Variants in RPA2 observed in about 807,000 individuals in gnomAD.
RPA2 encodes the protein replication protein A 32 kDa subunit.
A neutral mutation model predicts 33.4 loss-of-function variants in RPA2; 22 were observed. The observed-to-expected ratio is 0.66, with a 90% confidence interval of 0.47 to 0.94. The LOEUF (loss-of-function observed/expected upper bound fraction) is 0.94, where lower values mean the gene tolerates loss of function less well. Ranked by LOEUF, RPA2 falls within the 40% of genes least tolerant of loss-of-function variation. The pLI, the probability that RPA2 is intolerant of heterozygous loss-of-function variation, is 0.00. For synonymous variants in RPA2, 109 were observed against 114.9 expected (o/e 0.95, Z 0.33); for missense variants, 279 against 329.9 (o/e 0.85, Z 1.19).
intron 6 of RPA2, among the ~76,000 whole-genome samples, chr1:27,896,409 C>A (rs1312427664): frequency 6.6e-6 from 1 of 152,004 alleles, no homozygotes; most frequent in Non-Finnish European, 1.5e-5. Context: ...TCAAGTGATG[C>A]CCCCACACCA....
In RPA2 at chr1:27,914,503, A is replaced by G; in HGVS notation, c.-60T>C. On this transcript the variant is annotated 5_prime_UTR_variant, in exon 1 of 9. Transcript: ENST00000373912. ...GTGCGGGTCTGGGGGAATAGCGGAA[A>G]ACCACAGAACGCGGCCGCCACTGCG... 1 of 1,594,274 alleles carries G rather than the reference A, an allele frequency of 6.3e-7. No individual in the cohort carries two copies. Among genetic ancestry groups the G allele is most frequent in the East Asian group, 2.2e-5 (1 of 44,780 alleles).
chr1:27,906,808 A>G, intron 4 of RPA2, 120 bp downstream of exon 4: 1 of 648,418 alleles, frequency 1.5e-6, no homozygotes, highest in Non-Finnish European at 2.6e-6. Context: ...ACTTTAGAGT[A>G]TCTGTCTTTG....
upstream of RPA2, chr1:27,914,703 C>T: frequency 6.2e-7 from 1 of 1,608,094 alleles, no homozygotes; most frequent in Non-Finnish European, 8.5e-7. Flanking sequence ...GCTCCAAAAG[C>T]CTCCGCGGCC....
At chr1:27,909,526 T>C (rs915868968) in intron 2 of RPA2, among the ~76,000 whole-genome samples, 1 of 151,994 alleles carries the variant, frequency 6.6e-6, no homozygotes, top group South Asian at 2.1e-4. Flanking sequence ...CTGGCCAACA[T>C]GGCGAAACCC....
rs1201286242 is a variant in RPA2 at position 27,914,154 on chromosome 1, T to C, written c.26A>G (p.Tyr9Cys). ...GGCTCCCCCGTATGAGGAGCTGCCA[T>C]AGCTTTCGAATCCACCTGTTTTGAA... MWNSGFESYGSSSYGGAGG... is the reference protein window; with the variant it reads MWNSGFESCGSSSYGGAGG... The change falls in exon 2 of 9, where the codon TAT becomes TGT. Residue 9 changes from tyrosine to cysteine, a missense_variant. Transcript: ENST00000373912. 1.9e-6 allele frequency: 3 copies of C among 1,613,330 alleles called. No individual in the cohort carries two copies. Among genetic ancestry groups the C allele is most frequent in the South Asian group, 1.1e-5 (1 of 91,044 alleles).
intron 4 of RPA2, among the ~76,000 whole-genome samples, chr1:27,902,874 A>G (rs945501835): frequency 6.6e-6 from 1 of 151,928 alleles, no homozygotes; most frequent in Non-Finnish European, 1.5e-5. Flanking sequence ...AAGATGTTAA[A>G]AAAATGTCAA....
chr1:27,898,570 G>T (rs1319346927), intron 4 of RPA2, among the ~76,000 whole-genome samples: 9 of 143,270 alleles, frequency 6.3e-5, no homozygotes, highest in Non-Finnish European at 1.5e-5. Context: ...TTGAGACGAA[G>T]TGTCTTGCTC....
intron 8 of RPA2, among the ~76,000 whole-genome samples, chr1:27,892,575 A>G (rs146531201): frequency 3.3e-5 from 5 of 152,316 alleles, no homozygotes; most frequent in African/African-American, 1.2e-4. Context: ...CTTGCACACA[A>G]AATCTCCTAG....
chr1:27,893,949 A>C, intron 8 of RPA2, 63 bp downstream of exon 8: 1 of 1,392,196 alleles, frequency 7.2e-7, no homozygotes, highest in Non-Finnish European at 1.0e-6. Context: ...ACTATCAGGA[A>C]ACCCTTGTGA....
Position 27,897,654 on chromosome 1 carries a change from T to G in RPA2, c.387A>C (p.Ala129=). The change falls in exon 5 of 9, where the codon GCA becomes GCC. Residue 129 remains alanine (A), a synonymous_variant. Transcript: ENST00000373912. The stretch of plus-strand genomic sequence containing the variant: ...TTACCTGAAAAGATCTCAGGTGGCC[T>G]GCCACTTTCACATATGTTTCTGGAG... ...VVPPETYVKV[A]GHLRSFQNKK... The G allele has an allele frequency of 2.5e-6, 4 of 1,602,802 alleles. No individual in the cohort carries two copies. Among genetic ancestry groups the G allele is most frequent in the Non-Finnish European group, 3.4e-6 (4 of 1,174,764 alleles).
intron 4 of RPA2, among the ~76,000 whole-genome samples, chr1:27,898,086 G>A (rs1392523733): frequency 6.6e-6 from 1 of 152,060 alleles, no homozygotes; most frequent in African/African-American, 2.4e-5. Context: ...CGCCTCCCAA[G>A]GGAGGGTTTG....
chr1:27,894,027 G>C lies in RPA2; in HGVS notation c.713C>G (p.Ser238Cys). Reference protein sequence around the residue: ...QDLKNQLKHMSVSSIKQAVDF... With the variant: ...QDLKNQLKHMCVSSIKQAVDF... ...AAATACTTACTTGATTGAGGATACAGACATGTGTTTCAGCTGGTTCTTGAG... is the reference window on the plus strand; with the variant it reads ...AAATACTTACTTGATTGAGGATACACACATGTGTTTCAGCTGGTTCTTGAG... Residue 238 changes from serine (S) to cysteine (C), a missense_variant, in exon 8 of 9, where the codon TCT (serine) becomes TGT (cysteine). This residue lies in a region of RPA2 where 274 missense variants were observed against 310.3 expected (regional missense o/e 0.88). Transcript: ENST00000373912. 1.2e-6 allele frequency: 2 copies of C among 1,613,774 alleles called. No individual in the cohort carries two copies. Among genetic ancestry groups the C allele is most frequent in the Non-Finnish European group, 1.7e-6 (2 of 1,179,634 alleles).
chr1:27,903,221 G>T (rs759093928), intron 4 of RPA2, among the ~76,000 whole-genome samples: 4 of 152,234 alleles, frequency 2.6e-5, no homozygotes, highest in South Asian at 4.1e-4. Context: ...GAGCCACGAC[G>T]CCTGGCCTTA....
rs1009900509 is a variant in RPA2 at position 27,894,045 on chromosome 1, T to G, written c.695A>C (p.Asn232Thr). 9.9e-6 allele frequency: 16 copies of G among 1,614,078 alleles called. No individual in the cohort carries two copies. The highest frequency in any genetic ancestry group is 1.4e-5 in the Non-Finnish European group (16 of 1,180,020). The change falls in exon 8 of 9, where the codon AAC (asparagine) becomes ACC (threonine). Residue 232 changes from asparagine to threonine, a missense_variant. By Grantham distance (65) the Asn-to-Thr change is moderately conservative. Coordinates refer to ENST00000373912, the MANE Select transcript of RPA2 (RefSeq NM_002946.5). Reference protein sequence around the residue: ...PEGLNFQDLKNQLKHMSVSSI... With the variant: ...PEGLNFQDLKTQLKHMSVSSI... ...GGATACAGACATGTGTTTCAGCTGG[T>G]TCTTGAGATCCTGAAAGTTCAACCC... is the stretch of plus-strand genomic sequence containing the variant.
At chr1:27,913,512 T>TGGGAGGCGGAGGTTGCG (rs1188480760) in intron 2 of RPA2, among the ~76,000 whole-genome samples, 1 of 147,588 alleles carries the variant, frequency 6.8e-6, no homozygotes, top group East Asian at 2.0e-4. Context: ...CGCTTGAACC[T>TGGGAGGCGGAGGTTGCG]GGGAGGCGGA....
chr1:27,895,839 C>T (rs1308294020), intron 6 of RPA2, among the ~76,000 whole-genome samples: 1 of 152,194 alleles, frequency 6.6e-6, no homozygotes, highest in African/African-American at 2.4e-5. Context: ...CTGGGCCCTG[C>T]CTCCTTGCCT....
At chr1:27,912,234 T>A (rs896124060) in intron 2 of RPA2, among the ~76,000 whole-genome samples, 3 of 151,754 alleles carry the variant, frequency 2.0e-5, no homozygotes, top group Admixed American at 6.6e-5. Flanking sequence ...ATTTATAAAA[T>A]GAAATTGCAG....
At chr1:27,914,586 G>A (rs778833466), upstream of RPA2, 1 of 1,613,404 alleles carries the variant, frequency 6.2e-7, no homozygotes, top group Non-Finnish European at 8.5e-7. Flanking sequence ...GGCGGAGCCA[G>A]TCAGCTCCCG....
intron 8 of RPA2, among the ~76,000 whole-genome samples, chr1:27,893,362 G>A (rs6662916): frequency 6.6e-6 from 1 of 151,908 alleles, no homozygotes. Flanking sequence ...ATGGAGTGCA[G>A]TGGCACAATG....
Sources: gnomAD v4.1 joint callset for allele counts (sites outside exome capture counted in the v4.1 genomes callset) on GRCh38, gnomAD v4.1.1 for gene constraint, gnomAD v4.1.1 regional missense constraint, MANE v1.5 for transcripts, NCBI Gene and HGNC (gene_info 2026-07-23, HGNC 2026-07-21) for gene names.